STK3: variants seen among roughly 807,000 people sequenced by gnomAD.
STK3 encodes the protein serine/threonine-protein kinase 3.
Under a neutral mutation model 58.0 loss-of-function variants are expected in STK3, and 41 were observed. The observed-to-expected ratio is 0.71, with a 90% CI of 0.55 to 0.92. The LOEUF (loss-of-function observed/expected upper bound fraction) is 0.92. Among genes scored for constraint, STK3 ranks in the 40% least tolerant of loss-of-function variants. The probability of loss-of-function intolerance (pLI) is 0.00; values close to 1 mark genes in which losing one functional copy is unlikely to be tolerated. For synonymous variants in STK3, 170 were observed against 191.0 expected (o/e 0.89, Z 0.91); for missense variants, 479 against 602.7 (o/e 0.79, Z 2.15).
chr8:98,540,803 C>T (rs191709045), intron 9 of STK3, among the ~76,000 whole-genome samples: 3 of 140,494 alleles, frequency 2.1e-5, no homozygotes, highest in East Asian at 4.6e-4. Flanking sequence ...GTGGTGGGGG[C>T]GGTGGGGGGA....
chr8:98,895,655 G>A (rs1396191088), intron 1 of STK3, among the ~76,000 whole-genome samples: 1 of 152,196 alleles, frequency 6.6e-6, no homozygotes, highest in African/African-American at 2.4e-5. Context: ...TGAGAAGCAT[G>A]AGCCTCAAGA....
intron 3 of STK3, among the ~76,000 whole-genome samples, chr8:98,759,009 T>C (rs1387719284): frequency 1.3e-5 from 2 of 152,224 alleles, no homozygotes; most frequent in Non-Finnish European, 2.9e-5. Flanking sequence ...TTTGAACTTC[T>C]ATCCAGACCA....
intron 1 of STK3, among the ~76,000 whole-genome samples, chr8:98,933,629 A>T (rs1840084245): frequency 6.6e-6 from 1 of 152,174 alleles, no homozygotes; most frequent in Admixed American, 6.5e-5. Flanking sequence ...GTATATAAGT[A>T]TGTCTTCAGT....
intron 6 of STK3, among the ~76,000 whole-genome samples, chr8:98,698,387 T>G (rs1357043272): frequency 6.6e-6 from 1 of 152,138 alleles, no homozygotes; most frequent in Non-Finnish European, 1.5e-5. Flanking sequence ...TTGTTATGTG[T>G]GAATTTGATC....
chr8:98,371,239 C>T (rs1049420909), downstream of STK3: 6 of 152,316 alleles, frequency 3.9e-5, no homozygotes, highest in African/African-American at 1.2e-4. Flanking sequence ...GAAGTGGTAA[C>T]TGGTTTATCC....
At chr8:98,475,911 A>G (rs1483986719) in intron 10 of STK3, among the ~76,000 whole-genome samples, 1 of 152,236 alleles carries the variant, frequency 6.6e-6, no homozygotes, top group Non-Finnish European at 1.5e-5. Flanking sequence ...TCATTGACTG[A>G]ACTGTTATTT....
At chr8:98,659,904 T>C (rs531399513) in intron 6 of STK3, among the ~76,000 whole-genome samples, 609 of 151,616 alleles carry the variant, frequency 4.0e-3, no homozygotes, top group Non-Finnish European at 6.6e-3. Context: ...AAAAATAAAA[T>C]GACTTCCAAA....
At chr8:98,542,222 TAAAA>T (rs1810333764) in intron 9 of STK3, among the ~76,000 whole-genome samples, 1 of 152,086 alleles carries the variant, frequency 6.6e-6, no homozygotes, top group South Asian at 2.1e-4. Flanking sequence ...AAAAATAAAA[TAAAA>T]TAAAATGTAA....
intron 1 of STK3, among the ~76,000 whole-genome samples, chr8:98,902,509 C>T (rs1838695349): frequency 6.6e-6 from 1 of 152,184 alleles, no homozygotes; most frequent in Admixed American, 6.5e-5. Flanking sequence ...ACCTAGAAGT[C>T]ATCTTTGATT....
At chr8:98,877,823 A>T (rs1837613531) in intron 3 of STK3, among the ~76,000 whole-genome samples, 1 of 152,176 alleles carries the variant, frequency 6.6e-6, no homozygotes, top group African/African-American at 2.4e-5. Context: ...ACTTGAAAAA[A>T]TATTGAAATA....
chr8:98,790,520 T>C (rs931393233), intron 1 of STK3, among the ~76,000 whole-genome samples: 6 of 152,104 alleles, frequency 3.9e-5, no homozygotes, highest in African/African-American at 1.4e-4. Flanking sequence ...CATACCTCAA[T>C]GTAATAAAAG....
intron 6 of STK3, among the ~76,000 whole-genome samples, chr8:98,656,001 C>G (rs1563855577): frequency 6.6e-6 from 1 of 151,952 alleles, no homozygotes; most frequent in Non-Finnish European, 1.5e-5. Context: ...ACCCAAAGGA[C>G]TATAAATCAT....
intron 10 of STK3, among the ~76,000 whole-genome samples, chr8:98,459,756 T>A (rs1311176328): frequency 1.3e-5 from 2 of 152,246 alleles, no homozygotes; most frequent in Non-Finnish European, 2.9e-5. Context: ...GGGCCATGGC[T>A]TCAGCTCAAG....
intron 10 of STK3, among the ~76,000 whole-genome samples, chr8:98,521,682 G>A (rs997341247): frequency 1.3e-5 from 2 of 151,904 alleles, no homozygotes; most frequent in African/African-American, 2.4e-5. Context: ...TTTATCTCTC[G>A]TATTTTTCCA....
chr8:98,620,940 T>G (rs1818250607), intron 6 of STK3, among the ~76,000 whole-genome samples: 1 of 149,032 alleles, frequency 6.7e-6, no homozygotes, highest in Non-Finnish European at 1.5e-5. Context: ...TTTTTTTTTT[T>G]TTTTTTTGAG....
intron 10 of STK3, among the ~76,000 whole-genome samples, chr8:98,485,618 A>C (rs1822194010): frequency 6.6e-6 from 1 of 152,224 alleles, no homozygotes; most frequent in Non-Finnish European, 1.5e-5. Flanking sequence ...GCAACACAGG[A>C]ATGAAGGGTG....
chr8:98,520,847 T>C (rs1049656338), intron 10 of STK3, among the ~76,000 whole-genome samples: 5 of 152,118 alleles, frequency 3.3e-5, no homozygotes, highest in African/African-American at 1.2e-4. Context: ...GCTGGTATCT[T>C]TGCTTTTAGT....
chr8:98,434,752 T>C (rs1818425225), intron 2 of STK3, among the ~76,000 whole-genome samples: 1 of 151,506 alleles, frequency 6.6e-6, no homozygotes, highest in African/African-American at 2.4e-5. Flanking sequence ...CTTGGAGTTG[T>C]GTAAGGCCCT....
intron 3 of STK3, among the ~76,000 whole-genome samples, chr8:98,870,875 C>T (rs867944909): frequency 1.1e-4 from 16 of 152,120 alleles, no homozygotes; most frequent in Admixed American, 1.3e-4. Context: ...TTTTGGCTTT[C>T]GTTGCCATTG....
Sources: allele counts gnomAD v4.1 joint callset (sites outside exome capture counted in the v4.1 genomes callset), GRCh38; gene constraint gnomAD v4.1.1; transcripts MANE v1.5; gene names NCBI Gene and HGNC (gene_info 2026-07-23, HGNC 2026-07-21).